ATF6: variants seen among roughly 807,000 people sequenced by gnomAD.
ATF6 encodes the protein cyclic AMP-dependent transcription factor ATF-6 alpha.
A neutral mutation model predicts 83.6 loss-of-function variants in ATF6; 53 were observed. The observed-to-expected ratio is 0.63, with a 90% CI of 0.51 to 0.80. The LOEUF (loss-of-function observed/expected upper bound fraction) is 0.80. ATF6 is among the 30% of genes least tolerant of loss of function. The pLI, the probability that ATF6 is intolerant of heterozygous loss-of-function variation, is 0.00. For missense variants in ATF6, 744 were observed against 797.9 expected, an observed-to-expected ratio of 0.93 and a Z score of 0.81; for synonymous variants, 288 against 285.8, an observed-to-expected ratio of 1.01 and a Z score of -0.08.
chr1:161,824,623 A>T (rs536940059), intron 9 of ATF6, among the ~76,000 whole-genome samples: 1 of 152,308 alleles, frequency 6.6e-6, no homozygotes. Context: ...GGCACATAGT[A>T]GTTACTCAAT....
intron 3 of ATF6, among the ~76,000 whole-genome samples, chr1:161,783,306 C>G (rs576882534): frequency 2.2e-4 from 34 of 152,160 alleles, no homozygotes; most frequent in African/African-American, 6.7e-4. Flanking sequence ...GTGGCAAGAT[C>G]ACATTGTAGA....
At chr1:161,859,258 A>G (rs917083974) in intron 12 of ATF6, among the ~76,000 whole-genome samples, 1 of 152,184 alleles carries the variant, frequency 6.6e-6, no homozygotes, top group Non-Finnish European at 1.5e-5. Flanking sequence ...TCATCTCTGC[A>G]TATTGGTTCC....
chr1:161,833,069 C>T (rs550709013), intron 9 of ATF6, among the ~76,000 whole-genome samples: 11 of 152,296 alleles, frequency 7.2e-5, no homozygotes, highest in East Asian at 1.9e-4. Flanking sequence ...TCCAGAGGAA[C>T]GATCAGGCAG....
intron 7 of ATF6, among the ~76,000 whole-genome samples, chr1:161,814,039 C>T (rs1685544824): frequency 6.6e-6 from 1 of 152,050 alleles, no homozygotes; most frequent in South Asian, 2.1e-4. Flanking sequence ...CATGCACCAC[C>T]ACTCCCAGCT....
intron 14 of ATF6, among the ~76,000 whole-genome samples, chr1:161,871,971 C>G (rs1687132656): frequency 1.3e-5 from 2 of 151,458 alleles, no homozygotes; most frequent in African/African-American, 4.8e-5. Context: ...ACAGCCATAA[C>G]AAAAACAACA....
intron 14 of ATF6, among the ~76,000 whole-genome samples, chr1:161,890,540 A>G (rs920958552): frequency 6.6e-6 from 1 of 152,234 alleles, no homozygotes; most frequent in Non-Finnish European, 1.5e-5. Flanking sequence ...ATGCTTTCTT[A>G]AACGACATTC....
At chr1:161,784,900 A>C (rs1285314671) in intron 4 of ATF6, among the ~76,000 whole-genome samples, 1 of 152,218 alleles carries the variant, frequency 6.6e-6, no homozygotes, top group East Asian at 1.9e-4. Flanking sequence ...TAGCAGTGGA[A>C]TCTTCAAAGA....
At chr1:161,855,353 C>T (rs1224080857) in intron 12 of ATF6, among the ~76,000 whole-genome samples, 1 of 152,026 alleles carries the variant, frequency 6.6e-6, no homozygotes, top group Non-Finnish European at 1.5e-5. Context: ...AATGATAAAT[C>T]CTATGCTTAG....
At chr1:161,809,988 G>A (rs967233847) in intron 7 of ATF6, among the ~76,000 whole-genome samples, 2 of 152,036 alleles carry the variant, frequency 1.3e-5, no homozygotes, top group Admixed American at 1.3e-4. Flanking sequence ...TTTTAGAATT[G>A]GATTTGCTGG....
intron 15 of ATF6, among the ~76,000 whole-genome samples, chr1:161,923,739 A>G (rs1411944418): frequency 1.3e-5 from 2 of 152,198 alleles, no homozygotes; most frequent in Admixed American, 6.5e-5. Context: ...TTTAGATTCA[A>G]TCAGCTTGCA....
intron 15 of ATF6, among the ~76,000 whole-genome samples, chr1:161,950,015 C>T (rs928809004): frequency 6.6e-6 from 1 of 152,166 alleles, no homozygotes; most frequent in African/African-American, 2.4e-5. Context: ...GGGTTTTGGT[C>T]TAAAATTATA....
At chr1:161,822,922 T>C (rs1685800861) in intron 9 of ATF6, among the ~76,000 whole-genome samples, 1 of 152,222 alleles carries the variant, frequency 6.6e-6, no homozygotes, top group Non-Finnish European at 1.5e-5. Context: ...TATATGTATT[T>C]AGTTTAAAAA....
At chr1:161,896,110 A>G (rs542080967) in intron 14 of ATF6, among the ~76,000 whole-genome samples, 1 of 152,290 alleles carries the variant, frequency 6.6e-6, no homozygotes, top group South Asian at 2.1e-4. Context: ...CTATCTATCC[A>G]TCAATCGATA....
chr1:161,777,924 T>A (rs1371421679), intron 1 of ATF6, among the ~76,000 whole-genome samples: 3 of 152,228 alleles, frequency 2.0e-5, no homozygotes, highest in Admixed American at 6.5e-5. Flanking sequence ...TAACTCTTCA[T>A]GCTGAACCCA....
At position 161,892,803 on chromosome 1, in the gene ATF6, A is replaced by G. The variant is rs1485518418; in HGVS notation, c.1720-19493A>G. ...CAGGCGCATGCCACCACACCCAGCTAATTTTTGTATTTTTAGTAGAGACGG... is the reference window on the plus strand; with the variant it reads ...CAGGCGCATGCCACCACACCCAGCTGATTTTTGTATTTTTAGTAGAGACGG... On this transcript the variant is annotated intron_variant, in intron 14 of 15. Coordinates refer to ENST00000367942, the MANE Select transcript of ATF6 (RefSeq NM_007348.4). Among the ~76,000 whole-genome samples, 3 of 151,954 alleles carry G rather than the reference A, an allele frequency of 2.0e-5. No homozygotes were observed. In the East Asian group the frequency reaches 5.8e-4, roughly 29 times the overall value.
At chr1:161,869,452 G>A (rs1408394852) in intron 14 of ATF6, among the ~76,000 whole-genome samples, 1 of 151,838 alleles carries the variant, frequency 6.6e-6, no homozygotes, top group Non-Finnish European at 1.5e-5. Flanking sequence ...CAAAACTTGA[G>A]TGTACACATA....
chr1:161,855,867 G>T (rs1408940638), intron 12 of ATF6, among the ~76,000 whole-genome samples: 1 of 152,216 alleles, frequency 6.6e-6, no homozygotes, highest in African/African-American at 2.4e-5. Context: ...TGACCTTCGT[G>T]AAAGTTCTTT....
At chr1:161,768,890 ACTAT>A (rs1175506216) in intron 1 of ATF6, among the ~76,000 whole-genome samples, 11 of 151,940 alleles carry the variant, frequency 7.2e-5, no homozygotes, top group Non-Finnish European at 1.2e-4. Context: ...AATATTAGAC[ACTAT>A]CTAGTTAAAA....
intron 14 of ATF6, among the ~76,000 whole-genome samples, chr1:161,872,700 T>C (rs150828837): frequency 4.4e-4 from 67 of 151,726 alleles, no homozygotes; most frequent in African/African-American, 1.4e-3. Flanking sequence ...ATTTGTCTTG[T>C]GTAAACATTA....
Sources: allele counts gnomAD v4.1 joint callset (sites outside exome capture counted in the v4.1 genomes callset), GRCh38; gene constraint gnomAD v4.1.1; transcripts MANE v1.5; gene names NCBI Gene and HGNC (gene_info 2026-07-23, HGNC 2026-07-21).